EYA2: variants seen among roughly 807,000 people sequenced by gnomAD.
EYA2 encodes EYA transcriptional coactivator and phosphatase 2.
In EYA2, 31 loss-of-function variants were observed where a neutral mutation model predicts 69.2. The ratio of observed to expected loss-of-function variants is 0.45; its 90% CI spans 0.34 to 0.60. EYA2 has a LOEUF of 0.60. Ranked by LOEUF, EYA2 falls within the 20% of genes least tolerant of loss-of-function variation. The pLI is 0.02. For synonymous variants in EYA2, 257 were observed against 279.4 expected, an observed-to-expected ratio of 0.92 and a Z score of 0.80; for missense variants, 622 against 701.2, an observed-to-expected ratio of 0.89 and a Z score of 1.28.
intron 5 of EYA2, among the ~76,000 whole-genome samples, chr20:47,051,249 A>G (rs1213287911): frequency 6.6e-6 from 1 of 152,254 alleles, no homozygotes; most frequent in African/African-American, 2.4e-5. Context: ...CTGGCATCGC[A>G]GAACGCCATC....
chr20:47,165,796 T>C (rs1182514709), intron 10 of EYA2, among the ~76,000 whole-genome samples: 1 of 152,088 alleles, frequency 6.6e-6, no homozygotes, highest in Non-Finnish European at 1.5e-5. Context: ...CCAACCCCTC[T>C]CTCAGATTCC....
chr20:47,005,106 A>T lies in EYA2; in HGVS notation c.298+22A>T, dbSNP rs778745094. 1.6e-5 allele frequency: 26 copies of T among 1,609,698 alleles called. No homozygotes were observed. The South Asian group carries it at 2.9e-4, about 18-fold the overall frequency. The stretch of plus-strand genomic sequence containing the variant: ...TACAGTGAGTAGTAAACAAGTCCTT[A>T]CTCTCCTCCTCAGGTCCCCAAATCA... On this transcript the variant is annotated intron_variant, in intron 4 of 15. Transcript: ENST00000327619.
At chr20:47,002,692 C>G (rs974546615) in intron 3 of EYA2, among the ~76,000 whole-genome samples, 2 of 152,160 alleles carry the variant, frequency 1.3e-5, no homozygotes, top group Non-Finnish European at 2.9e-5. Flanking sequence ...CTTTCTTCCT[C>G]CTCTACCATT....
At chr20:47,041,660 G>A (rs887499161) in intron 5 of EYA2, among the ~76,000 whole-genome samples, 5 of 151,618 alleles carry the variant, frequency 3.3e-5, no homozygotes, top group African/African-American at 9.8e-5. Flanking sequence ...TGAACATCTT[G>A]TTGGACTCGG....
chr20:47,087,205 A>G (rs1392720159), intron 7 of EYA2, among the ~76,000 whole-genome samples: 1 of 152,224 alleles, frequency 6.6e-6, no homozygotes, highest in African/African-American at 2.4e-5. Context: ...AACAAAGTTC[A>G]GTCCCTTGGG....
At chr20:46,939,202 C>T (rs1476551928) in intron 1 of EYA2, among the ~76,000 whole-genome samples, 1 of 152,140 alleles carries the variant, frequency 6.6e-6, no homozygotes, top group African/African-American at 2.4e-5. Context: ...CAGCATGTGA[C>T]CGAAGCTGGG....
In EYA2 at chr20:47,169,165, C is replaced by T. The variant is rs946153809; in HGVS notation, c.1005C>T (p.Asp335=). The T allele has an allele frequency of 4.3e-6, 7 of 1,613,816 alleles. No individual in the cohort carries two copies. Among genetic ancestry groups the T allele is most frequent in the Middle Eastern group, 1.6e-4 (1 of 6,082 alleles). ...LEDCDQIHVD[D]VSSDDNGQDL... ...ATTGTGACCAGATCCACGTTGATGA[C>T]GTCTCATCAGATGACAATGGCCAAG... The change falls in exon 11 of 16, where the codon GAC becomes GAT. Residue 335 remains aspartate (D), a synonymous_variant. Transcript: ENST00000327619.
At chr20:47,036,662 T>C (rs1160329800) in intron 5 of EYA2, among the ~76,000 whole-genome samples, 1 of 152,232 alleles carries the variant, frequency 6.6e-6, no homozygotes, top group Non-Finnish European at 1.5e-5. Flanking sequence ...CTTGGTTCAG[T>C]GCCAATCAGG....
chr20:47,064,092 A>G (rs1251393472), intron 5 of EYA2, among the ~76,000 whole-genome samples: 1 of 152,176 alleles, frequency 6.6e-6, no homozygotes, highest in African/African-American at 2.4e-5. Flanking sequence ...AAGAGCTGGG[A>G]CTACAAGCAT....
At chr20:47,082,625 A>G (rs551292971) in intron 7 of EYA2, among the ~76,000 whole-genome samples, 2 of 152,324 alleles carry the variant, frequency 1.3e-5, no homozygotes, top group South Asian at 4.1e-4. Flanking sequence ...AGAAGACTTA[A>G]TATTGTTAAA....
At chr20:47,132,669 A>G (rs1275076607) in intron 9 of EYA2, among the ~76,000 whole-genome samples, 1 of 152,224 alleles carries the variant, frequency 6.6e-6, no homozygotes, top group Non-Finnish European at 1.5e-5. Context: ...ACTTTGCTTC[A>G]TGGAGATTCT....
In EYA2 at chr20:47,183,277, C is replaced by T. The variant is rs1475632576; in HGVS notation, c.1436-14C>T. ...TCACAGAGCGTTTTTTCTTTCCTTC[C>T]TGTGTGCGTGCAGGGAAGGAGAGCT... On this transcript the variant is annotated splice_polypyrimidine_tract_variant and intron_variant, in intron 14 of 15. Coordinates refer to ENST00000327619, the MANE Select transcript of EYA2 (RefSeq NM_005244.5). The T allele has an allele frequency of 6.2e-7, 1 of 1,611,846 alleles. No individual in the cohort carries two copies. Among genetic ancestry groups the T allele is most frequent in the Non-Finnish European group, 8.5e-7 (1 of 1,179,286 alleles).
At chr20:46,945,181 C>T (rs1456443123) in intron 1 of EYA2, among the ~76,000 whole-genome samples, 3 of 151,974 alleles carry the variant, frequency 2.0e-5, no homozygotes, top group Admixed American at 1.3e-4. Context: ...GCCTTAGCCT[C>T]GCTGGACCTC....
At chr20:46,945,998 A>G (rs1978431120) in intron 1 of EYA2, among the ~76,000 whole-genome samples, 1 of 152,208 alleles carries the variant, frequency 6.6e-6, no homozygotes, top group Admixed American at 6.5e-5. Flanking sequence ...CTCGCAACCC[A>G]AGAGGGTCTG....
chr20:47,084,403 T>G (rs779169261), intron 7 of EYA2, among the ~76,000 whole-genome samples: 1 of 152,132 alleles, frequency 6.6e-6, no homozygotes, highest in African/African-American at 2.4e-5. Flanking sequence ...TAGACAGGTG[T>G]TGTGGTGCAG....
chr20:47,048,590 G>T (rs544197563), intron 5 of EYA2, among the ~76,000 whole-genome samples: 16 of 152,264 alleles, frequency 1.1e-4, no homozygotes, highest in African/African-American at 3.9e-4. Context: ...ACAAAAATTA[G>T]CTGGGCGTGG....
chr20:47,055,864 C>T (rs1185014885), intron 5 of EYA2, among the ~76,000 whole-genome samples: 1 of 152,044 alleles, frequency 6.6e-6, no homozygotes, highest in African/African-American at 2.4e-5. Context: ...TTTTTTTTCA[C>T]CCCGCACTGC....
At chr20:47,180,676 G>C (rs2034521116) in intron 13 of EYA2, 139 bp from the exon 14 acceptor site, 10 of 995,036 alleles carry the variant, frequency 1.0e-5, no homozygotes, top group Non-Finnish European at 1.5e-5. Context: ...GAGAATCCTT[G>C]GGCCCTAACA....
At chr20:46,969,143 A>G (rs565567764) in intron 1 of EYA2, among the ~76,000 whole-genome samples, 2 of 152,264 alleles carry the variant, frequency 1.3e-5, no homozygotes, top group South Asian at 4.1e-4. Context: ...TAGCTCTGGG[A>G]GTCAGAGGCT....
Sources: gnomAD v4.1 joint callset for allele counts (sites outside exome capture counted in the v4.1 genomes callset) on GRCh38, gnomAD v4.1.1 for gene constraint, MANE v1.5 for transcripts, NCBI Gene and HGNC (gene_info 2026-07-23, HGNC 2026-07-21) for gene names.